Variants in ADAM28 observed in about 807,000 individuals in gnomAD.
The protein encoded by ADAM28 is disintegrin and metalloproteinase domain-containing protein 28.
Under a neutral mutation model 101.2 loss-of-function variants are expected in ADAM28, and 105 were observed. That is an observed-to-expected ratio of 1.04 (90% confidence interval 0.89 to 1.22). The LOEUF (loss-of-function observed/expected upper bound fraction) is 1.22, where lower values mean the gene tolerates loss of function less well. Ranked by LOEUF, ADAM28 falls within the 50% of genes most tolerant of loss-of-function variation. The pLI is 0.00. For synonymous variants in ADAM28, 322 were observed against 310.6 expected, an observed-to-expected ratio of 1.04 and a Z score of -0.39; for missense variants, 1,028 against 945.4, an observed-to-expected ratio of 1.09 and a Z score of -1.15.
At chr8:24,344,854 A>ATGTG (rs1337629818) in intron 18 of ADAM28, among the ~76,000 whole-genome samples, 1 of 152,090 alleles carries the variant, frequency 6.6e-6, no homozygotes, top group East Asian at 1.9e-4. Flanking sequence ...CAATGCATCC[A>ATGTG]CATAAAACTT....
At chr8:24,336,158 A>T in intron 14 of ADAM28, 4 of 985,564 alleles carry the variant, frequency 4.1e-6, no homozygotes, top group Non-Finnish European at 4.8e-6. Context: ...AAGAAAAGTG[A>T]AAGTTCTTAA....
intron 12 of ADAM28, 74 bp downstream of exon 12, chr8:24,331,401 G>A (rs989549248): frequency 2.8e-6 from 4 of 1,405,324 alleles, no homozygotes; most frequent in African/African-American, 2.9e-5. Context: ...AAAATAATGT[G>A]TGGCCCGCTA....
At chr8:24,302,651 T>C (rs1808945000) in intron 2 of ADAM28, among the ~76,000 whole-genome samples, 1 of 152,206 alleles carries the variant, frequency 6.6e-6, no homozygotes, top group South Asian at 2.1e-4. Flanking sequence ...TGTGAGATGG[T>C]ATCTCATTGT....
Position 24,356,169 on chromosome 8 carries a change from A to G in ADAM28, c.*1765A>G, listed in dbSNP as rs1459796716. 1 of 152,210 alleles carries G rather than the reference A, an allele frequency of 6.6e-6. No individual in the cohort carries two copies. The highest frequency in any genetic ancestry group is 1.9e-4 in the East Asian group (1 of 5,202). The allele number at this position is 152,210 out of a possible 1,614,324, so 9.4% of individuals were successfully genotyped here. ...AGAACAACTTTAAAAGTAGAGCTTT[A>G]TCTGCCCTGTGAGGTTTCAGAAGAC... On this transcript the variant is annotated 3_prime_UTR_variant, in exon 23 of 23. Coordinates refer to ENST00000265769, the MANE Select transcript of ADAM28 (RefSeq NM_014265.6).
chr8:24,350,880 T>TGG lies in ADAM28; in HGVS notation c.2100-352_2100-351insGG, dbSNP rs1186066602. 3.0e-4 allele frequency among the ~76,000 whole-genome samples: 45 copies of TGG among 150,206 alleles called. 1 individual carries two copies. Among genetic ancestry groups the TGG allele is most frequent in the East Asian group, 7.9e-4 (4 of 5,072 alleles). On this transcript the variant is annotated intron_variant, in intron 19 of 22. Transcript: ENST00000265769. The stretch of plus-strand genomic sequence containing the variant: ...CACAACGGTGTTTTTTTTTTTTTTT[T>TGG]TTTTTTTTTTAGCACTTTTAAAGAA...
rs765442472 is a variant in ADAM28 at position 24,323,933 on chromosome 8, G to C, written c.820G>C (p.Glu274Gln). The change falls in exon 9 of 23, where the codon GAG becomes CAG. Residue 274 changes from glutamate (E) to glutamine (Q), a missense_variant. Physicochemically the swap from Glu to Gln is conservative, Grantham distance 29. Transcript: ENST00000265769. ...AACCCCAAATGCAAGCTTCACCTTG[G>C]AGAATTTTTCTAAATGGAGGGGGAG... ...KITPNASFTL[E>Q]NFSKWRGSVL... 20 of 1,612,058 alleles carry C rather than the reference G, an allele frequency of 1.2e-5. No individual in the cohort carries two copies. Among genetic ancestry groups the C allele is most frequent in the Non-Finnish European group, 1.6e-5 (19 of 1,178,842 alleles).
intron 18 of ADAM28, among the ~76,000 whole-genome samples, chr8:24,345,802 C>T (rs949380567): frequency 4.6e-5 from 7 of 152,006 alleles, no homozygotes; most frequent in African/African-American, 1.4e-4. Context: ...GGAGGACTAG[C>T]GATACAACTT....
chr8:24,306,361 T>TG (rs1809638178), intron 2 of ADAM28, among the ~76,000 whole-genome samples: 1 of 115,390 alleles, frequency 8.7e-6, no homozygotes, highest in Non-Finnish European at 1.8e-5. Flanking sequence ...AATAAATAAA[T>TG]AAATATATAT....
rs1383309513 is a variant in ADAM28 at position 24,332,705 on chromosome 8, G to A, written c.1327G>A (p.Ala443Thr). 6.6e-7 allele frequency: 1 copy of A among 1,522,596 alleles called. No homozygotes were observed. The highest frequency in any genetic ancestry group is 1.8e-5 in the Admixed American group (1 of 54,752). The allele number at this position is 1,522,596 out of a possible 1,614,324, so 94.3% of individuals were successfully genotyped here. The change falls in exon 13 of 23, where the codon GCA (alanine) becomes ACA (threonine). Residue 443 changes from alanine (A) to threonine (T), a missense_variant. Physicochemically the swap from Ala to Thr is moderately conservative, Grantham distance 58. Coordinates refer to ENST00000265769, the MANE Select transcript of ADAM28 (RefSeq NM_014265.6). ...CCDAKTCKIK[A>T]TFQCALGECC... The stretch of plus-strand genomic sequence containing the variant: ...TGATGCTAAGACATGTAAAATCAAA[G>A]CAACTTTTCAATGTGCATTAGGAGA...
At chr8:24,354,356 G>T (rs7818974) in intron 22 of ADAM28, 28 bp from the exon 23 acceptor site, 87,775 of 1,489,684 alleles carry the variant, frequency 0.059, 2,796 homozygotes, top group East Asian at 0.14. Context: ...GAAGAAAGTT[G>T]ATCATTTAGA....
chr8:24,314,476 T>C (rs763736184), intron 6 of ADAM28, among the ~76,000 whole-genome samples: 23 of 152,318 alleles, frequency 1.5e-4, no homozygotes, highest in Non-Finnish European at 2.6e-4. Flanking sequence ...TTATTTCTTA[T>C]TGATACTGCT....
At chr8:24,329,108 G>A (rs1813009308) in intron 10 of ADAM28, among the ~76,000 whole-genome samples, 1 of 152,016 alleles carries the variant, frequency 6.6e-6, no homozygotes, top group Admixed American at 6.6e-5. Context: ...TTTTTGGCTT[G>A]CATTTTTCCC....
chr8:24,338,656 C>T (rs1814393155), intron 14 of ADAM28, among the ~76,000 whole-genome samples: 2 of 152,134 alleles, frequency 1.3e-5, no homozygotes, highest in South Asian at 2.1e-4. Context: ...AAAACAATGC[C>T]GTATCTTCAT....
rs561725763 is a variant in ADAM28, at chr8:24,354,931, A to T, written c.*527A>T. The T allele has an allele frequency of 6.5e-6, 1 of 152,688 alleles. No homozygotes were observed. Among genetic ancestry groups the T allele is most frequent in the African/African-American group, 2.4e-5 (1 of 41,568 alleles). 9.5% of individuals were successfully genotyped at this position (152,688 alleles called of 1,614,324 possible). The stretch of plus-strand genomic sequence containing the variant: ...CATTTGAGGTTTTCTACAATTTGGT[A>T]TAACTAAGAATTTAAAAATGTTTTA... On this transcript the variant is annotated 3_prime_UTR_variant, in exon 23 of 23. Coordinates refer to ENST00000265769, the MANE Select transcript of ADAM28 (RefSeq NM_014265.6).
chr8:24,321,363 C>T (rs1811856744), intron 8 of ADAM28, 74 bp downstream of exon 8: 1 of 1,218,892 alleles, frequency 8.2e-7, no homozygotes, highest in Non-Finnish European at 1.2e-6. Flanking sequence ...AATGAACGCA[C>T]ATGAAGCATG....
intron 20 of ADAM28, chr8:24,351,673 A>G (rs1816161547): frequency 4.4e-6 from 2 of 456,622 alleles, no homozygotes; most frequent in East Asian, 4.3e-5. Context: ...CTGTATGATA[A>G]TACATGTAAT....
chr8:24,324,576 A>C (rs1441860480), intron 9 of ADAM28, among the ~76,000 whole-genome samples: 1 of 151,982 alleles, frequency 6.6e-6, no homozygotes, highest in Non-Finnish European at 1.5e-5. Flanking sequence ...GCTATTACCT[A>C]AGAAAACCAT....
In ADAM28 at chr8:24,298,892, T is replaced by C. The variant is rs553642866; in HGVS notation, c.47-1082T>C. Reference sequence around the variant, plus strand: ...TAGCTTCGAGAAAATTGAATCTCTCTCTCCAAAATGACTTCTAGGCCAGGT... The same window carrying C: ...TAGCTTCGAGAAAATTGAATCTCTCCCTCCAAAATGACTTCTAGGCCAGGT... On this transcript the variant is annotated intron_variant, in intron 1 of 22. Coordinates refer to ENST00000265769, the MANE Select transcript of ADAM28 (RefSeq NM_014265.6). 5.3e-5 allele frequency among the ~76,000 whole-genome samples: 8 copies of C among 152,218 alleles called. No individual in the cohort carries two copies. In the East Asian group the frequency reaches 1.5e-3, roughly 29 times the overall value.
At chr8:24,306,358 A>T (rs940404604) in intron 2 of ADAM28, among the ~76,000 whole-genome samples, 18 of 115,818 alleles carry the variant, frequency 1.6e-4, no homozygotes, top group Non-Finnish European at 3.0e-4. Flanking sequence ...ACAAATAAAT[A>T]AATAAATATA....
Sources: allele counts gnomAD v4.1 joint callset (sites outside exome capture counted in the v4.1 genomes callset), GRCh38; gene constraint gnomAD v4.1.1; transcripts MANE v1.5; gene names NCBI Gene and HGNC (gene_info 2026-07-23, HGNC 2026-07-21).